The following ANKRD29 variants were observed in gnomAD, a reference collection of about 807,000 sequenced individuals.
The protein encoded by ANKRD29 is ankyrin repeat domain-containing protein 29.
ANKRD29 carries 32 observed loss-of-function variants against 38.0 expected under a neutral mutation model. The observed-to-expected ratio is 0.84, with a 90% CI of 0.64 to 1.13. The LOEUF (loss-of-function observed/expected upper bound fraction) is 1.13, where lower values mean the gene tolerates loss of function less well. Among genes scored for constraint, ANKRD29 ranks in the 50% most tolerant of loss-of-function variants. The pLI, the probability that ANKRD29 is intolerant of heterozygous loss-of-function variation, is 0.00. For synonymous variants in ANKRD29, 135 were observed against 152.4 expected (o/e 0.89, Z 0.84); for missense variants, 357 against 377.9 (o/e 0.94, Z 0.46).
chr18:23,608,929 T>C (rs2059606303), intron 9 of ANKRD29, among the ~76,000 whole-genome samples: 1 of 152,120 alleles, frequency 6.6e-6, no homozygotes, highest in Non-Finnish European at 1.5e-5. Flanking sequence ...GGTGAAACCC[T>C]GTTTCTACTA....
At chr18:23,632,709 A>AT (rs2059949768) in intron 5 of ANKRD29, among the ~76,000 whole-genome samples, 1 of 151,954 alleles carries the variant, frequency 6.6e-6, no homozygotes, top group Non-Finnish European at 1.5e-5. Flanking sequence ...TCAAAATAGT[A>AT]TTTTTTTAAA....
chr18:23,625,340 C>T (rs2059849954), intron 6 of ANKRD29, among the ~76,000 whole-genome samples: 1 of 152,090 alleles, frequency 6.6e-6, no homozygotes, highest in Admixed American at 6.6e-5. Flanking sequence ...GATAGGCAGG[C>T]CAGCCAGTCA....
rs373021252 is a variant in ANKRD29 at position 23,633,091 on chromosome 18, T to C, written c.429+960A>G. Among the ~76,000 whole-genome samples the C allele has an allele frequency of 6.6e-5, 10 of 152,330 alleles. No individual in the cohort carries two copies. In the East Asian group the frequency reaches 7.7e-4, roughly 12 times the overall value. On this transcript the variant is annotated intron_variant, in intron 5 of 9. Coordinates refer to ENST00000592179, the MANE Select transcript of ANKRD29 (RefSeq NM_173505.4). ...TTCACCATGAGACTGTCAAGTCTAT[T>C]CATCTCCCTATATTCTATTTTCGCT...
intron 9 of ANKRD29, among the ~76,000 whole-genome samples, chr18:23,604,258 C>T (rs1409239518): frequency 1.3e-5 from 2 of 152,184 alleles, no homozygotes; most frequent in Non-Finnish European, 2.9e-5. Flanking sequence ...CCCATAAGTC[C>T]TGCCCTTAGG....
intron 3 of ANKRD29, among the ~76,000 whole-genome samples, chr18:23,645,811 C>T (rs1598523737): frequency 6.6e-6 from 1 of 152,064 alleles, no homozygotes; most frequent in East Asian, 1.9e-4. Context: ...AGCAAGTGAG[C>T]CTCATTACAA....
Position 23,638,866 on chromosome 18 carries a change from T to G in ANKRD29, c.313A>C (p.Thr105Pro). 2 of 1,610,914 alleles carry G rather than the reference T, an allele frequency of 1.2e-6. No individual in the cohort carries two copies. The highest frequency in any genetic ancestry group is 1.1e-5 in the South Asian group (1 of 90,196). ...VRFLFGFGAS[T>P]EFRTKDGGTA... is the part of the protein sequence containing the mutation. ...TATCTCACTTTGGTCCTAAATTCAG[T>G]GGATGCTCCAAATCCAAAGAGAAAT... Residue 105 changes from threonine to proline, a missense_variant, in exon 4 of 10, where the codon ACT (threonine) becomes CCT (proline). Thr to Pro is a conservative substitution (Grantham distance 38, BLOSUM62 -1). Transcript: ENST00000592179.
rs565251928 is a variant in ANKRD29 at position 23,659,761 on chromosome 18, A to C, written c.21+2949T>G. On this transcript the variant is annotated intron_variant, in intron 1 of 9. Transcript: ENST00000592179. ...CATCTCAAAAAAGACAAAAAAAAAA[A>C]CAAAAAACAAACAAACAAAAAAAAC... 5.2e-3 allele frequency among the ~76,000 whole-genome samples: 756 copies of C among 144,886 alleles called. 10 individuals are homozygous for C. The highest frequency in any genetic ancestry group is 0.017 in the African/African-American group (689 of 39,716).
chr18:23,643,692 G>A (rs73394211), intron 3 of ANKRD29, among the ~76,000 whole-genome samples: 2,128 of 152,276 alleles, frequency 0.014, 47 homozygotes, highest in African/African-American at 0.05. Flanking sequence ...TGTATGTGCA[G>A]CTCCTATGCC....
chr18:23,637,477 C>T lies in ANKRD29; in HGVS notation c.330+1372G>A, dbSNP rs148898078. Among the ~76,000 whole-genome samples, 490 of 151,986 alleles carry T rather than the reference C, an allele frequency of 3.2e-3. 3 individuals carry two copies. The highest frequency in any genetic ancestry group is 0.011 in the African/African-American group (462 of 41,454). ...CAGTGGCATGATCACGGCTCATTGCCGCCTTGACCTCTCGGGCTCAAGTGA... is the reference window on the plus strand; with the variant it reads ...CAGTGGCATGATCACGGCTCATTGCTGCCTTGACCTCTCGGGCTCAAGTGA... On this transcript the variant is annotated intron_variant, in intron 4 of 9. Transcript: ENST00000592179.
chr18:23,640,189 TGAG>T (rs2060055850), intron 3 of ANKRD29, among the ~76,000 whole-genome samples: 1 of 151,972 alleles, frequency 6.6e-6, no homozygotes, highest in African/African-American at 2.4e-5. Flanking sequence ...GCTGTGGCAT[TGAG>T]GAGAGAGTGC....
intron 5 of ANKRD29, among the ~76,000 whole-genome samples, chr18:23,631,287 C>T (rs1258109429): frequency 2.6e-5 from 4 of 151,308 alleles, no homozygotes; most frequent in Non-Finnish European, 1.5e-5. Context: ...TCACTCAGAC[C>T]TTGAGTGTAG....
intron 7 of ANKRD29, 71 bp downstream of exon 7, chr18:23,619,460 T>G: frequency 7.0e-7 from 1 of 1,423,278 alleles, no homozygotes; most frequent in Non-Finnish European, 9.3e-7. Context: ...GCAGACTCAG[T>G]CAAGACCCGT....
intron 8 of ANKRD29, among the ~76,000 whole-genome samples, chr18:23,613,404 T>C (rs1263901521): frequency 6.6e-6 from 1 of 151,918 alleles, no homozygotes; most frequent in Non-Finnish European, 1.5e-5. Context: ...ACTCCTGAGC[T>C]CAGGTGTTTT....
At chr18:23,660,619 A>C (rs1232968707) in intron 1 of ANKRD29, among the ~76,000 whole-genome samples, 2 of 152,230 alleles carry the variant, frequency 1.3e-5, no homozygotes, top group South Asian at 4.1e-4. Flanking sequence ...CAGGCTGGCC[A>C]ACATGGCGAA....
At chr18:23,619,455 C>A in intron 7 of ANKRD29, 76 bp downstream of exon 7, 1 of 1,377,038 alleles carries the variant, frequency 7.3e-7, no homozygotes, top group South Asian at 1.4e-5. Flanking sequence ...GGGCTGCAGA[C>A]TCAGTCAAGA....
At chr18:23,621,808 G>A (rs1444271975) in intron 6 of ANKRD29, among the ~76,000 whole-genome samples, 1 of 152,048 alleles carries the variant, frequency 6.6e-6, no homozygotes, top group African/African-American at 2.4e-5. Context: ...CCTAGTAGCT[G>A]AGACTACAGG....
chr18:23,641,265 G>A (rs2060071650), intron 3 of ANKRD29, among the ~76,000 whole-genome samples: 1 of 152,198 alleles, frequency 6.6e-6, no homozygotes, highest in Non-Finnish European at 1.5e-5. Context: ...TGGCTGTGCG[G>A]GAGCAGCCAT....
chr18:23,640,733 G>A (rs943994728), intron 3 of ANKRD29, among the ~76,000 whole-genome samples: 2 of 152,130 alleles, frequency 1.3e-5, no homozygotes, highest in African/African-American at 4.8e-5. Flanking sequence ...CCATTCTTGT[G>A]GGCAACATAC....
At chr18:23,624,685 G>T (rs746562864) in intron 6 of ANKRD29, among the ~76,000 whole-genome samples, 8 of 152,064 alleles carry the variant, frequency 5.3e-5, no homozygotes, top group Non-Finnish European at 8.8e-5. Context: ...AGTTTAATGA[G>T]TGTTGGCTAA....
Sources: gnomAD v4.1 joint callset for allele counts (sites outside exome capture counted in the v4.1 genomes callset) on GRCh38, gnomAD v4.1.1 for gene constraint, MANE v1.5 for transcripts, NCBI Gene and HGNC (gene_info 2026-07-23, HGNC 2026-07-21) for gene names.